Variants in SUCLG2 observed in about 807,000 individuals in gnomAD.
The protein encoded by SUCLG2 is succinate--CoA ligase [GDP-forming] subunit beta, mitochondrial.
In SUCLG2, 42 loss-of-function variants were observed where a neutral mutation model predicts 47.9. That is an observed-to-expected ratio of 0.88 (90% CI 0.69 to 1.14). The LOEUF is 1.14. SUCLG2 is among the 50% of genes most tolerant of loss of function. SUCLG2 has a pLI of 0.00. For missense variants in SUCLG2, 571 were observed against 525.9 expected (o/e 1.09, Z -0.84); for synonymous variants, 195 against 197.3 (o/e 0.99, Z 0.10).
chr3:67,639,471 G>A (rs1464774883), intron 1 of SUCLG2, among the ~76,000 whole-genome samples: 5 of 138,370 alleles, frequency 3.6e-5, no homozygotes, highest in Non-Finnish European at 7.4e-5. Flanking sequence ...TGCTCCATCC[G>A]CATGGCCTCA....
At chr3:67,511,440 A>G (rs1275885485) in intron 6 of SUCLG2, among the ~76,000 whole-genome samples, 1 of 152,114 alleles carries the variant, frequency 6.6e-6, no homozygotes, top group African/African-American at 2.4e-5. Context: ...GGATTTTCCC[A>G]TGCTGTTCTC....
intron 9 of SUCLG2, among the ~76,000 whole-genome samples, chr3:67,422,473 C>CAAAAAATAAAAAAAAAAAAAAAAAA (rs1703186881): frequency 3.3e-5 from 1 of 30,662 alleles, no homozygotes; most frequent in Non-Finnish European, 5.2e-5. Context: ...GACTCCATCT[C>CAAAAAATAAAAAAAAAAAAAAAAAA]AAAAAAAAAA....
chr3:67,412,753 G>A (rs1021698932), intron 9 of SUCLG2, among the ~76,000 whole-genome samples: 6 of 152,262 alleles, frequency 3.9e-5, no homozygotes, highest in Admixed American at 3.3e-4. Context: ...ATCCCACGCT[G>A]CCAGCCCCAG....
intron 9 of SUCLG2, among the ~76,000 whole-genome samples, chr3:67,430,042 G>A (rs1006533745): frequency 2.6e-5 from 4 of 152,082 alleles, no homozygotes; most frequent in African/African-American, 7.2e-5. Context: ...ACAGATCAAC[G>A]AGAGGGAAAG....
chr3:67,592,257 T>C (rs541438033), intron 2 of SUCLG2, among the ~76,000 whole-genome samples: 2 of 152,312 alleles, frequency 1.3e-5, no homozygotes, highest in South Asian at 4.2e-4. Context: ...TGCCAGGAAC[T>C]TGACACTTGA....
At chr3:67,531,528 G>A (rs144831768) in intron 2 of SUCLG2, among the ~76,000 whole-genome samples, 2 of 152,216 alleles carry the variant, frequency 1.3e-5, no homozygotes, top group East Asian at 1.9e-4. Context: ...TAAACGTGTC[G>A]CCATTTGACC....
intron 1 of SUCLG2, among the ~76,000 whole-genome samples, chr3:67,639,222 T>G (rs933315729): frequency 6.6e-6 from 1 of 152,246 alleles, no homozygotes; most frequent in South Asian, 2.1e-4. Flanking sequence ...CATACTTTCA[T>G]GGACACTATT....
At chr3:67,517,590 A>G (rs1260679059) in intron 6 of SUCLG2, among the ~76,000 whole-genome samples, 2 of 152,208 alleles carry the variant, frequency 1.3e-5, no homozygotes, top group East Asian at 3.8e-4. Context: ...GCAGGGGACG[A>G]TACTAAGACA....
intron 2 of SUCLG2, among the ~76,000 whole-genome samples, chr3:67,589,077 G>C (rs184888459): frequency 6.6e-6 from 1 of 152,184 alleles, no homozygotes; most frequent in Non-Finnish European, 1.5e-5. Context: ...TCTGTCCCTT[G>C]AAGTCACCAA....
intron 9 of SUCLG2, among the ~76,000 whole-genome samples, chr3:67,470,338 A>G (rs1374794986): frequency 6.6e-6 from 1 of 152,132 alleles, no homozygotes; most frequent in Non-Finnish European, 1.5e-5. Context: ...TCCTCTGCTT[A>G]TTTCTCTCGT....
chr3:67,591,601 T>C (rs533218891), intron 2 of SUCLG2, among the ~76,000 whole-genome samples: 2 of 152,298 alleles, frequency 1.3e-5, no homozygotes, highest in East Asian at 3.9e-4. Context: ...ATTTTTCTCT[T>C]GCTGCCACCA....
At chr3:67,416,538 T>C (rs1216247859) in intron 9 of SUCLG2, among the ~76,000 whole-genome samples, 1 of 152,188 alleles carries the variant, frequency 6.6e-6, no homozygotes, top group Admixed American at 6.5e-5. Flanking sequence ...ATGAGACAAT[T>C]TGGTATCCTA....
chr3:67,393,767 C>T (rs1020324877), intron 10 of SUCLG2, among the ~76,000 whole-genome samples: 1 of 152,218 alleles, frequency 6.6e-6, no homozygotes, highest in South Asian at 2.1e-4. Context: ...AACTGCGAGG[C>T]ACCCCAGCAG....
chr3:67,640,347 A>G (rs1701078771), intron 1 of SUCLG2, among the ~76,000 whole-genome samples: 1 of 152,246 alleles, frequency 6.6e-6, no homozygotes, highest in East Asian at 1.9e-4. Flanking sequence ...TAGATGTACA[A>G]TGAATGTTAA....
At chr3:67,571,973 C>T (rs1707625466) in intron 2 of SUCLG2, among the ~76,000 whole-genome samples, 1 of 152,022 alleles carries the variant, frequency 6.6e-6, no homozygotes, top group South Asian at 2.1e-4. Context: ...TGAGAGTTAC[C>T]ATAAGAGGCA....
intron 9 of SUCLG2, among the ~76,000 whole-genome samples, chr3:67,482,622 T>C (rs1227700430): frequency 2.0e-5 from 3 of 152,214 alleles, no homozygotes; most frequent in Non-Finnish European, 4.4e-5. Context: ...ATGCAACTAC[T>C]GATCACAGGT....
chr3:67,381,064 C>A (rs564324340), intron 10 of SUCLG2, among the ~76,000 whole-genome samples: 7 of 152,222 alleles, frequency 4.6e-5, no homozygotes, highest in South Asian at 4.1e-4. Flanking sequence ...GTAGTCCCAG[C>A]TACTCAGGAG....
intron 2 of SUCLG2, among the ~76,000 whole-genome samples, chr3:67,550,794 G>A (rs963031024): frequency 6.6e-6 from 1 of 152,124 alleles, no homozygotes; most frequent in African/African-American, 2.4e-5. Flanking sequence ...CCCTTCTAGG[G>A]GTCTGAGCGG....
At chr3:67,528,311 G>A (rs1706310836) in intron 3 of SUCLG2, 89 bp from the exon 4 acceptor site, 7 of 1,176,476 alleles carry the variant, frequency 5.9e-6, no homozygotes, top group Non-Finnish European at 8.7e-6. Context: ...TGTCTACACT[G>A]CAAAGGGTTC....
Sources: allele counts gnomAD v4.1 joint callset (sites outside exome capture counted in the v4.1 genomes callset), GRCh38; gene constraint gnomAD v4.1.1; transcripts MANE v1.5; gene names NCBI Gene and HGNC (gene_info 2026-07-23, HGNC 2026-07-21).